Variants in NPEPPS observed in about 807,000 individuals in gnomAD.
The protein encoded by NPEPPS is aminopeptidase puromycin sensitive, also known as puromycin-sensitive aminopeptidase.
In NPEPPS, 14 loss-of-function variants were observed where a neutral mutation model predicts 115.5. The observed-to-expected ratio is 0.12, with a 90% CI of 0.08 to 0.19. NPEPPS has a LOEUF of 0.19. Ranked by LOEUF, NPEPPS falls within the 10% of genes least tolerant of loss-of-function variation. NPEPPS has a pLI of 1.00. For synonymous variants in NPEPPS, 285 were observed against 390.6 expected (o/e 0.73, Z 3.19); for missense variants, 523 against 1,110.8 (o/e 0.47, Z 7.52).
intron 1 of NPEPPS, among the ~76,000 whole-genome samples, chr17:47,537,173 GGAA>G (rs1908366341): frequency 6.7e-6 from 1 of 150,368 alleles, no homozygotes; most frequent in African/African-American, 2.5e-5. Context: ...AAAAAAAAAA[GGAA>G]GAAATTTTCT....
intron 17 of NPEPPS, among the ~76,000 whole-genome samples, chr17:47,610,280 G>T (rs540189856): frequency 6.7e-6 from 1 of 148,644 alleles, no homozygotes; most frequent in Admixed American, 6.9e-5. Flanking sequence ...AACATTTCAT[G>T]TACATAGAAT....
chr17:47,545,042 T>C (rs1909097115), intron 1 of NPEPPS, among the ~76,000 whole-genome samples: 1 of 151,428 alleles, frequency 6.6e-6, no homozygotes, highest in Non-Finnish European at 1.5e-5. Context: ...ACTCTGTTGT[T>C]CAGGCCGGAG....
At chr17:47,539,464 C>T (rs1191749310) in intron 1 of NPEPPS, among the ~76,000 whole-genome samples, 2 of 152,088 alleles carry the variant, frequency 1.3e-5, no homozygotes, top group Admixed American at 6.6e-5. Flanking sequence ...GAAAGTCACA[C>T]ACTATGAGAT....
intron 15 of NPEPPS, 166 bp downstream of exon 15, chr17:47,601,913 T>TA (rs1333827073): frequency 3.0e-6 from 2 of 670,388 alleles, no homozygotes; most frequent in African/African-American, 3.8e-5. Context: ...CATTTGTCCT[T>TA]ATGTTAGGGA....
intron 13 of NPEPPS, among the ~76,000 whole-genome samples, chr17:47,597,509 C>T (rs1912950945): frequency 6.6e-6 from 1 of 152,070 alleles, no homozygotes. Context: ...GTCCACAAAG[C>T]TAAGTATTTT....
chr17:47,568,812 C>A (rs1911001036), intron 2 of NPEPPS, among the ~76,000 whole-genome samples: 1 of 152,044 alleles, frequency 6.6e-6, no homozygotes, highest in Admixed American at 6.6e-5. Context: ...TGCACCACCA[C>A]AGCCGGCTAG....
At chr17:47,524,595 C>T (rs1907351107) in intron 1 of NPEPPS, among the ~76,000 whole-genome samples, 1 of 151,562 alleles carries the variant, frequency 6.6e-6, no homozygotes, top group Non-Finnish European at 1.5e-5. Flanking sequence ...CCCGGGTTCA[C>T]ACCATTCTCC....
intron 2 of NPEPPS, among the ~76,000 whole-genome samples, chr17:47,547,762 C>T (rs1909324047): frequency 6.6e-6 from 1 of 152,162 alleles, no homozygotes; most frequent in African/African-American, 2.4e-5. Flanking sequence ...CGCGGTGGCT[C>T]ACGCCTGTAA....
intron 4 of NPEPPS, chr17:47,581,755 G>A (rs1241491928): frequency 6.6e-6 from 1 of 152,334 alleles, no homozygotes; most frequent in African/African-American, 2.4e-5. Context: ...GAGTGCAGTG[G>A]TGCAATCTTG....
chr17:47,594,262 A>G (rs1010953570), intron 12 of NPEPPS, among the ~76,000 whole-genome samples: 1 of 152,178 alleles, frequency 6.6e-6, no homozygotes, highest in African/African-American at 2.4e-5. Context: ...ATTACTATAC[A>G]CTACTATAGA....
upstream of NPEPPS, among the ~76,000 whole-genome samples, chr17:47,530,031 G>A (rs1907621887): frequency 6.8e-6 from 1 of 147,066 alleles, no homozygotes; most frequent in Non-Finnish European, 1.5e-5. Flanking sequence ...CCACCTCCAG[G>A]GTTCAAGCGA....
chr17:47,603,874 T>A, intron 15 of NPEPPS, 41 bp from the exon 16 acceptor site: 1 of 1,546,526 alleles, frequency 6.5e-7, no homozygotes, highest in Non-Finnish European at 8.8e-7. Flanking sequence ...TTTAAAAAAT[T>A]AATGGAGCTG....
rs540132587 is a variant in NPEPPS at position 47,543,798 on chromosome 17, A to G, written c.256-2111A>G. ...AAGATTTATGTCCAACAATCCAGAA[A>G]GTCCACTATTAGGTTCCTTTCCATG... On this transcript the variant is annotated intron_variant, in intron 1 of 22. Coordinates refer to ENST00000322157, the MANE Select transcript of NPEPPS (RefSeq NM_006310.4). Among the ~76,000 whole-genome samples the G allele has an allele frequency of 3.3e-5, 5 of 152,312 alleles. No individual in the cohort carries two copies. The East Asian group carries it at 9.6e-4, about 29-fold the overall frequency.
chr17:47,547,470 C>T (rs1027587913), intron 2 of NPEPPS, among the ~76,000 whole-genome samples: 12 of 152,048 alleles, frequency 7.9e-5, no homozygotes, highest in African/African-American at 2.9e-4. Flanking sequence ...CTCACCCTCC[C>T]AAGTAGCTGA....
chr17:47,578,511 C>CT (rs1348147200), intron 3 of NPEPPS, among the ~76,000 whole-genome samples: 2 of 151,610 alleles, frequency 1.3e-5, no homozygotes, highest in Non-Finnish European at 2.9e-5. Context: ...CAGATGATTA[C>CT]TAGATAATAA....
intron 3 of NPEPPS, among the ~76,000 whole-genome samples, chr17:47,570,193 G>A (rs1911110752): frequency 6.6e-6 from 1 of 152,148 alleles, no homozygotes; most frequent in African/African-American, 2.4e-5. Context: ...AGGCCAAGGC[G>A]GGCTGATCAC....
chr17:47,524,429 T>C (rs867202814), intron 1 of NPEPPS, among the ~76,000 whole-genome samples: 2 of 151,880 alleles, frequency 1.3e-5, no homozygotes, highest in Non-Finnish European at 1.5e-5. Flanking sequence ...ATTCAAGGAA[T>C]CCTCCCACTT....
At chr17:47,584,512 A>G (rs1029702337) in intron 5 of NPEPPS, among the ~76,000 whole-genome samples, 1 of 152,218 alleles carries the variant, frequency 6.6e-6, no homozygotes, top group African/African-American at 2.4e-5. Context: ...AGAGCATCCC[A>G]TAAATAGAAT....
At chr17:47,553,352 G>T (rs540949358) in intron 2 of NPEPPS, among the ~76,000 whole-genome samples, 97 of 149,918 alleles carry the variant, frequency 6.5e-4, no homozygotes, top group Non-Finnish European at 1.2e-3. Flanking sequence ...CAGCCTGGGG[G>T]ACAAGAGACT....
Sources: allele counts gnomAD v4.1 joint callset (sites outside exome capture counted in the v4.1 genomes callset), GRCh38; gene constraint gnomAD v4.1.1; transcripts MANE v1.5; gene names NCBI Gene and HGNC (gene_info 2026-07-23, HGNC 2026-07-21).